The following USP32 variants were observed in gnomAD, a reference collection of about 807,000 sequenced individuals.
The protein encoded by USP32 is ubiquitin carboxyl-terminal hydrolase 32.
A neutral mutation model predicts 204.8 loss-of-function variants in USP32; 59 were observed. The ratio of observed to expected loss-of-function variants is 0.29; its 90% CI spans 0.23 to 0.36. The LOEUF is 0.36. Ranked by LOEUF, USP32 falls within the 10% of genes least tolerant of loss-of-function variation. The probability of loss-of-function intolerance (pLI) is 1.00; values close to 1 mark genes in which losing one functional copy is unlikely to be tolerated. For synonymous variants in USP32, 517 were observed against 678.4 expected (o/e 0.76, Z 3.70); for missense variants, 1,160 against 1,946.4 (o/e 0.60, Z 7.60).
At chr17:60,277,204 ATT>A (rs2086860879) in intron 5 of USP32, among the ~76,000 whole-genome samples, 1 of 152,118 alleles carries the variant, frequency 6.6e-6, no homozygotes, top group African/African-American at 2.4e-5. Flanking sequence ...TATTCCCAAC[ATT>A]CTAAGTAGTT....
chr17:60,220,564 T>C (rs1211801667), intron 15 of USP32, among the ~76,000 whole-genome samples: 1 of 152,168 alleles, frequency 6.6e-6, no homozygotes, highest in African/African-American at 2.4e-5. Context: ...CAGGAAAACA[T>C]TTAATTATCA....
At position 60,327,543 on chromosome 17, in the gene USP32, G is replaced by A. The variant is rs944667922; in HGVS notation, c.186+17938C>T. 7.5e-5 allele frequency among the ~76,000 whole-genome samples: 10 copies of A among 134,152 alleles called. No homozygotes were observed. In the East Asian group the frequency reaches 1.0e-3, roughly 14 times the overall value. 88.0% of individuals were successfully genotyped at this position (134,152 alleles called of 152,430 possible). A position where few individuals can be genotyped will look rare whatever the true frequency, so the allele number is the denominator to read the frequency against. On this transcript the variant is annotated intron_variant, in intron 2 of 33. Transcript: ENST00000300896. The stretch of plus-strand genomic sequence containing the variant: ...AGGCTGAGCCCGCCCGCCAGCAGAA[G>A]AGCAGCACGGTTGGGCAGGAGGGGC...
chr17:60,190,477 G>C, intron 29 of USP32, 86 bp downstream of exon 29: 1 of 1,445,052 alleles, frequency 6.9e-7, no homozygotes, highest in Non-Finnish European at 9.1e-7. Context: ...TTTTTAAATT[G>C]TCTAAAACAG....
At chr17:60,284,467 G>A (rs1040215791) in intron 5 of USP32, among the ~76,000 whole-genome samples, 4 of 151,558 alleles carry the variant, frequency 2.6e-5, no homozygotes, top group South Asian at 2.1e-4. Context: ...TGATCCGCCC[G>A]CCTTGGCCTC....
At chr17:60,242,699 G>A (rs1016348744) in intron 11 of USP32, among the ~76,000 whole-genome samples, 4 of 152,142 alleles carry the variant, frequency 2.6e-5, no homozygotes, top group African/African-American at 7.2e-5. Context: ...GAGCCACCAC[G>A]CCTGGCCAAG....
At chr17:60,368,709 C>A (rs994645704) in intron 1 of USP32, among the ~76,000 whole-genome samples, 1 of 152,068 alleles carries the variant, frequency 6.6e-6, no homozygotes, top group African/African-American at 2.4e-5. Context: ...ACATAGTAAG[C>A]ACTTCACAGT....
At chr17:60,344,380 G>A (rs1010741508) in intron 2 of USP32, among the ~76,000 whole-genome samples, 6 of 151,968 alleles carry the variant, frequency 3.9e-5, no homozygotes, top group Admixed American at 1.3e-4. Flanking sequence ...CACCCGCCTC[G>A]GCCTCCCAAA....
rs1342050825 is a variant in USP32 at position 60,211,400 on chromosome 17, C to T, written c.2294G>A (p.Gly765Glu). The T allele has an allele frequency of 6.2e-7, 1 of 1,612,450 alleles. No homozygotes were observed. Among genetic ancestry groups the T allele is most frequent in the African/African-American group, 1.3e-5 (1 of 74,820 alleles). The change falls in exon 20 of 34, where the codon GGG (glycine) becomes GAG (glutamate). Residue 765 changes from glycine to glutamate, a missense_variant. Physicochemically the swap from Gly to Glu is moderately conservative, Grantham distance 98. This residue lies in a region of USP32 where 132 missense variants were observed against 432.8 expected (regional missense o/e 0.30). Coordinates refer to ENST00000300896, the MANE Select transcript of USP32 (RefSeq NM_032582.4). ...TQPLTQYFIS[G>E]RHLYELNRTN... Reference sequence around the variant, plus strand: ...CCTGTTGAGTTCATAAAGATGTCTCCCTGAGATAAAATACTGTGTCAGTGG... The same window carrying T: ...CCTGTTGAGTTCATAAAGATGTCTCTCTGAGATAAAATACTGTGTCAGTGG...
chr17:60,213,133 G>T (rs182228559), intron 18 of USP32, among the ~76,000 whole-genome samples: 2 of 152,154 alleles, frequency 1.3e-5, no homozygotes, highest in African/African-American at 2.4e-5. Flanking sequence ...GTTTTTAATG[G>T]CATGTGCATG....
At chr17:60,312,458 T>C (rs2087876358) in intron 2 of USP32, among the ~76,000 whole-genome samples, 1 of 152,018 alleles carries the variant, frequency 6.6e-6, no homozygotes, top group Non-Finnish European at 1.5e-5. Flanking sequence ...CAGGGTCTCA[T>C]TCTATTGCCC....
intron 7 of USP32, among the ~76,000 whole-genome samples, chr17:60,268,697 ATTTGAATTT>A (rs1286206721): frequency 1.3e-5 from 2 of 152,094 alleles, no homozygotes; most frequent in African/African-American, 4.8e-5. Context: ...AAAAATAGAG[ATTTGAATTT>A]TTAGTTGAAA....
At chr17:60,287,269 A>G (rs1046512987) in intron 5 of USP32, among the ~76,000 whole-genome samples, 2 of 152,186 alleles carry the variant, frequency 1.3e-5, no homozygotes, top group Non-Finnish European at 2.9e-5. Flanking sequence ...TCCTTAACCA[A>G]TTGCAAATCA....
chr17:60,265,671 T>A (rs1279727343), intron 8 of USP32, among the ~76,000 whole-genome samples, 197 bp from the exon 9 acceptor site: 1 of 152,174 alleles, frequency 6.6e-6, no homozygotes, highest in Admixed American at 6.5e-5. Context: ...GTGCGGAGAT[T>A]CCAGGCAAGA....
intron 9 of USP32, among the ~76,000 whole-genome samples, chr17:60,259,437 G>T (rs1028685183): frequency 1.7e-4 from 26 of 152,130 alleles, no homozygotes; most frequent in African/African-American, 5.8e-4. Context: ...AGTGAGTGTG[G>T]ATATACGTGT....
chr17:60,179,489 C>T, intron 33 of USP32, 61 bp from the exon 34 acceptor site: 2 of 1,586,566 alleles, frequency 1.3e-6, no homozygotes, highest in Non-Finnish European at 1.7e-6. Context: ...TAAATCCTTG[C>T]CAGGAAAGGG....
chr17:60,359,403 A>C (rs186953175), intron 1 of USP32, among the ~76,000 whole-genome samples: 1 of 152,320 alleles, frequency 6.6e-6, no homozygotes, highest in Admixed American at 6.5e-5. Flanking sequence ...ATAAAGACAG[A>C]ATTTTTTAAA....
chr17:60,189,469 A>G (rs58565241), intron 29 of USP32, among the ~76,000 whole-genome samples: 3,200 of 152,274 alleles, frequency 0.021, 132 homozygotes, highest in African/African-American at 0.073. Context: ...AACCACTACA[A>G]TTCCTCATGT....
chr17:60,288,475 T>C (rs1475410570), intron 5 of USP32, 48 bp downstream of exon 5: 3 of 1,546,584 alleles, frequency 1.9e-6, no homozygotes, highest in South Asian at 1.2e-5. Context: ...CAGCCAATTA[T>C]ATATATAAAA....
intron 26 of USP32, among the ~76,000 whole-genome samples, chr17:60,200,228 G>C (rs965486930): frequency 6.6e-6 from 1 of 151,590 alleles, no homozygotes; most frequent in Non-Finnish European, 1.5e-5. Flanking sequence ...TTTAAGCCAA[G>C]GGCTACTAAT....
Sources: gnomAD v4.1 joint callset for allele counts (sites outside exome capture counted in the v4.1 genomes callset) on GRCh38, gnomAD v4.1.1 for gene constraint, gnomAD v4.1.1 regional missense constraint, MANE v1.5 for transcripts, NCBI Gene and HGNC (gene_info 2026-07-23, HGNC 2026-07-21) for gene names.